The following NELL1 variants were observed in gnomAD, a reference collection of about 807,000 sequenced individuals.
The protein encoded by NELL1 is neural EGFL like 1.
NELL1 carries 76 observed loss-of-function variants against 107.4 expected under a neutral mutation model. The ratio of observed to expected loss-of-function variants is 0.71; its 90% CI spans 0.59 to 0.86. The LOEUF (loss-of-function observed/expected upper bound fraction) is 0.86. Among genes scored for constraint, NELL1 ranks in the 40% least tolerant of loss-of-function variants. The pLI is 0.00. For missense variants in NELL1, 1,024 were observed against 1,005.5 expected (o/e 1.02, Z -0.25); for synonymous variants, 353 against 341.2 (o/e 1.03, Z -0.38).
At chr11:21,480,137 A>G (rs1854455910) in intron 15 of NELL1, among the ~76,000 whole-genome samples, 1 of 152,190 alleles carries the variant, frequency 6.6e-6, no homozygotes, top group Non-Finnish European at 1.5e-5. Context: ...TAACTAGGAC[A>G]TCATAGGAGA....
chr11:21,195,878 C>G (rs1857141668), intron 13 of NELL1, among the ~76,000 whole-genome samples: 1 of 152,186 alleles, frequency 6.6e-6, no homozygotes, highest in Non-Finnish European at 1.5e-5. Flanking sequence ...TCAACAAGCT[C>G]ACAGTTTATT....
chr11:20,947,334 A>T lies in NELL1; in HGVS notation c.1072-2A>T, dbSNP rs769293996. On this transcript the variant is annotated splice_acceptor_variant, in intron 10 of 19. Coordinates refer to ENST00000357134, the MANE Select transcript of NELL1 (RefSeq NM_006157.5). LOFTEE classifies it high-confidence loss of function. ...TTTCTTTCCCTAATATTTGGCTTCC[A>T]GGGTGGAGTTTTAGTAAAAATTACA... 2 of 1,610,314 alleles carry T rather than the reference A, an allele frequency of 1.2e-6. No homozygotes were observed. Among genetic ancestry groups the T allele is most frequent in the Non-Finnish European group, 1.7e-6 (2 of 1,176,716 alleles).
intron 12 of NELL1, among the ~76,000 whole-genome samples, chr11:21,079,424 A>G (rs1356057791): frequency 6.6e-6 from 1 of 152,052 alleles, no homozygotes; most frequent in African/African-American, 2.4e-5. Flanking sequence ...TTTGTACCCT[A>G]TAGAGAATAT....
At chr11:21,472,827 CCCTTCCCTTT>C (rs1414953883) in intron 15 of NELL1, among the ~76,000 whole-genome samples, 2 of 152,022 alleles carry the variant, frequency 1.3e-5, no homozygotes, top group Middle Eastern at 6.8e-3. Context: ...GCCTTCCCTT[CCCTTCCCTTT>C]CCTTCCCTTC....
intron 14 of NELL1, among the ~76,000 whole-genome samples, chr11:21,299,317 G>T (rs1305964330): frequency 6.6e-6 from 1 of 151,822 alleles, no homozygotes; most frequent in Non-Finnish European, 1.5e-5. Context: ...TGCAGACATC[G>T]CATTCTGCTC....
At chr11:20,840,730 T>A (rs1056141624) in intron 3 of NELL1, among the ~76,000 whole-genome samples, 1 of 152,236 alleles carries the variant, frequency 6.6e-6, no homozygotes, top group African/African-American at 2.4e-5. Context: ...CTTTTGCCCT[T>A]AAAGTACTTA....
At chr11:20,854,070 AG>A (rs2134065187) in intron 4 of NELL1, among the ~76,000 whole-genome samples, 2 of 152,246 alleles carry the variant, frequency 1.3e-5, no homozygotes, top group South Asian at 2.1e-4. Flanking sequence ...AAGGATGTAA[AG>A]TTTTGACTTT....
At chr11:21,099,630 G>T (rs891854038) in intron 12 of NELL1, among the ~76,000 whole-genome samples, 1 of 152,118 alleles carries the variant, frequency 6.6e-6, no homozygotes, top group Non-Finnish European at 1.5e-5. Context: ...GTGGTGCAAG[G>T]TATATTATGT....
At chr11:20,716,168 C>T (rs1855245615) in intron 2 of NELL1, among the ~76,000 whole-genome samples, 1 of 152,174 alleles carries the variant, frequency 6.6e-6, no homozygotes, top group African/African-American at 2.4e-5. Flanking sequence ...AAAAATCGGG[C>T]ACAGAAACTG....
chr11:21,522,846 T>TC (rs1404322120), intron 15 of NELL1, among the ~76,000 whole-genome samples: 2 of 130,432 alleles, frequency 1.5e-5, no homozygotes, highest in East Asian at 4.3e-4. Flanking sequence ...TTTTTTTTTT[T>TC]TTTTTTTTTT....
intron 12 of NELL1, among the ~76,000 whole-genome samples, chr11:21,099,603 G>A (rs984286407): frequency 6.6e-6 from 1 of 152,178 alleles, no homozygotes; most frequent in Non-Finnish European, 1.5e-5. Flanking sequence ...CTTGAGACAT[G>A]TATTGAGGCA....
chr11:21,001,614 T>C (rs1252754309), intron 12 of NELL1, among the ~76,000 whole-genome samples: 1 of 152,010 alleles, frequency 6.6e-6, no homozygotes, highest in East Asian at 1.9e-4. Context: ...GCAGATGGTT[T>C]ATTAAGAAAG....
intron 2 of NELL1, among the ~76,000 whole-genome samples, chr11:20,719,395 A>G (rs1371269578): frequency 6.7e-6 from 1 of 148,472 alleles, no homozygotes; most frequent in Admixed American, 6.9e-5. Context: ...GAACAAGGCC[A>G]GAATATTTAA....
chr11:21,191,470 T>C (rs762233635), intron 13 of NELL1, among the ~76,000 whole-genome samples: 1 of 151,912 alleles, frequency 6.6e-6, no homozygotes, highest in Non-Finnish European at 1.5e-5. Context: ...AGTACCTTTT[T>C]AGCCCAGTGA....
At chr11:20,925,915 A>T (rs1461632528) in intron 7 of NELL1, among the ~76,000 whole-genome samples, 1 of 152,180 alleles carries the variant, frequency 6.6e-6, no homozygotes, top group Non-Finnish European at 1.5e-5. Context: ...AAGGTGTATG[A>T]AATGGAACCA....
At chr11:20,757,448 A>C (rs1856322236) in intron 2 of NELL1, among the ~76,000 whole-genome samples, 1 of 152,190 alleles carries the variant, frequency 6.6e-6, no homozygotes, top group Non-Finnish European at 1.5e-5. Context: ...AATTTCTATT[A>C]GCCAGCTTTA....
At chr11:20,935,546 G>A (rs1343482772) in intron 9 of NELL1, 1 of 152,236 alleles carries the variant, frequency 6.6e-6, no homozygotes, top group African/African-American at 2.4e-5. Flanking sequence ...CCTCATGAAT[G>A]GCCTTGTTTG....
chr11:21,148,753 C>T (rs914820277), intron 13 of NELL1, among the ~76,000 whole-genome samples: 5 of 151,978 alleles, frequency 3.3e-5, no homozygotes, highest in Admixed American at 6.6e-5. Context: ...TTCTTTCTGC[C>T]GAGAAATTGC....
intron 2 of NELL1, among the ~76,000 whole-genome samples, chr11:20,764,853 G>T (rs1856496859): frequency 6.6e-6 from 1 of 152,054 alleles, no homozygotes. Context: ...AATGAGAACT[G>T]GGGGCTGCTG....
Sources: allele counts gnomAD v4.1 joint callset (sites outside exome capture counted in the v4.1 genomes callset), GRCh38; gene constraint gnomAD v4.1.1; transcripts MANE v1.5; gene names NCBI Gene and HGNC (gene_info 2026-07-23, HGNC 2026-07-21).